TMLHE: variants seen among roughly 807,000 people sequenced by gnomAD.
TMLHE encodes trimethyllysine hydroxylase, epsilon.
A neutral mutation model predicts 25.7 loss-of-function variants in TMLHE; 18 were observed. The ratio of observed to expected loss-of-function variants is 0.70; its 90% CI spans 0.48 to 1.04. The LOEUF (loss-of-function observed/expected upper bound fraction) is 1.04. Ranked by LOEUF, TMLHE falls within the 50% of genes least tolerant of loss-of-function variation. TMLHE has a pLI of 0.00. For missense variants in TMLHE, 236 were observed against 259.0 expected, an observed-to-expected ratio of 0.91 and a Z score of 0.61; for synonymous variants, 105 against 97.0, an observed-to-expected ratio of 1.08 and a Z score of -0.49.
chrX:155,538,242 G>A (rs1413017851), intron 2 of TMLHE, among the ~76,000 whole-genome samples: 1 of 111,326 alleles, frequency 9.0e-6, no homozygotes, highest in Non-Finnish European at 1.9e-5. Flanking sequence ...TCCTATGCCT[G>A]GCTTATTTCC....
chrX:155,547,277 T>C (rs782326022), intron 1 of TMLHE, among the ~76,000 whole-genome samples: 19 of 89,421 alleles, frequency 2.1e-4, no homozygotes, highest in South Asian at 6.3e-4. Flanking sequence ...CCCGAGTAGC[T>C]GGGACTACAG....
In TMLHE at chrX:155,545,286, T is replaced by C. The variant is rs782763625; in HGVS notation, c.-1-9A>G. ...ATCTGTGGTACCACATCCTAGAAGA[T>C]TGGATAATAACAAGTTAGTAGTAAT... On this transcript the variant is annotated splice_polypyrimidine_tract_variant and intron_variant, in intron 1 of 7. Coordinates refer to ENST00000334398, the MANE Select transcript of TMLHE (RefSeq NM_018196.4). 13 of 1,171,636 alleles carry C rather than the reference T, an allele frequency of 1.1e-5. No homozygotes were observed. Among genetic ancestry groups the C allele is most frequent in the South Asian group, 9.8e-5 (5 of 50,792 alleles).
Position 155,604,567 on chromosome X carries a change from GA to G in TMLHE, c.-2+8224del, listed in dbSNP as rs1557347663. Among the ~76,000 whole-genome samples, 3 of 111,638 alleles carry G rather than the reference GA, an allele frequency of 2.7e-5. No individual in the cohort carries two copies. In the East Asian group the frequency reaches 8.5e-4, roughly 31 times the overall value. ...CCCTGCTGCTCCCAAGCTGGGGAGG[GA>G]ACACAAAGCCTGAGCTCATCTGAAG... On this transcript the variant is annotated intron_variant, in intron 1 of 7. Coordinates refer to ENST00000334398, the MANE Select transcript of TMLHE (RefSeq NM_018196.4).
chrX:155,564,821 T>C (rs1320142385), intron 1 of TMLHE, among the ~76,000 whole-genome samples: 4 of 61,856 alleles, frequency 6.5e-5, no homozygotes, highest in African/African-American at 1.4e-4. Context: ...ACATATACTT[T>C]ACCATCAATG....
chrX:155,529,733 T>C (rs1410482794), intron 2 of TMLHE, among the ~76,000 whole-genome samples: 3 of 112,497 alleles, frequency 2.7e-5, no homozygotes, highest in Non-Finnish European at 3.8e-5. Context: ...GAATTCTTTA[T>C]AAATTTTGGA....
intron 2 of TMLHE, among the ~76,000 whole-genome samples, chrX:155,544,097 C>CA (rs1186706613): frequency 9.0e-6 from 1 of 111,714 alleles, no homozygotes; most frequent in African/African-American, 3.3e-5. Context: ...GGGCATTCTA[C>CA]AATCTTCAGA....
At chrX:155,556,560 T>C (rs1456706710) in intron 1 of TMLHE, among the ~76,000 whole-genome samples, 3 of 109,264 alleles carry the variant, frequency 2.7e-5, no homozygotes, top group African/African-American at 1.0e-4. Context: ...TACGTGTGGG[T>C]GACAGACATC....
intron 1 of TMLHE, among the ~76,000 whole-genome samples, chrX:155,556,644 A>G (rs1250977772): frequency 9.1e-6 from 1 of 109,982 alleles, no homozygotes; most frequent in Admixed American, 9.7e-5. Context: ...ACAGGACGGA[A>G]GCGAAATTAA....
At chrX:155,548,508 G>A (rs1256057008) in intron 1 of TMLHE, among the ~76,000 whole-genome samples, 2 of 108,089 alleles carry the variant, frequency 1.9e-5, no homozygotes, top group Non-Finnish European at 3.8e-5. Flanking sequence ...GGTCAAGGCG[G>A]GCGGATCACA....
chrX:155,589,331 C>T (rs1557345659), intron 1 of TMLHE, among the ~76,000 whole-genome samples: 1 of 110,790 alleles, frequency 9.0e-6, no homozygotes, highest in Non-Finnish European at 1.9e-5. Flanking sequence ...ACCTATAATT[C>T]CAGCTACTCT....
intron 5 of TMLHE, among the ~76,000 whole-genome samples, chrX:155,511,358 C>A (rs2067111012): frequency 9.0e-6 from 1 of 110,525 alleles, no homozygotes; most frequent in African/African-American, 3.3e-5. Context: ...CTCCCTGAGG[C>A]CTCCCCAGAA....
Position 155,569,563 on chromosome X carries a change from A to C in TMLHE, c.-1-24286T>G, listed in dbSNP as rs1246905914. 3.5e-5 allele frequency among the ~76,000 whole-genome samples: 2 copies of C among 56,374 alleles called. 1 individual carries two copies. Among genetic ancestry groups the C allele is most frequent in the Non-Finnish European group, 9.2e-5 (2 of 21,791 alleles). The allele number at this position is 56,374 out of a possible 115,157, so 49.0% of individuals were successfully genotyped here. On this transcript the variant is annotated intron_variant, in intron 1 of 7. Coordinates refer to ENST00000334398, the MANE Select transcript of TMLHE (RefSeq NM_018196.4). The stretch of plus-strand genomic sequence containing the variant: ...TTCACCAAAGTTGAAATGAAGGAAA[A>C]AATGTTAAGGGCAGCCAGAGAGAAA...
intron 1 of TMLHE, among the ~76,000 whole-genome samples, chrX:155,579,868 C>A (rs1164068469): frequency 9.1e-6 from 1 of 109,793 alleles, no homozygotes; most frequent in Non-Finnish European, 1.9e-5. Flanking sequence ...AGAAACTATA[C>A]AAATACTGGC....
rs782142206 is a variant in TMLHE, at chrX:155,505,718, T to G, written c.995+1180A>C. On this transcript the variant is annotated intron_variant, in intron 6 of 7. Coordinates refer to ENST00000334398, the MANE Select transcript of TMLHE (RefSeq NM_018196.4). ...CAATTTGATATATTATATATTTGCT[T>G]ATTTATTTTTAATTACTCTGTCGTC... 5.4e-5 allele frequency among the ~76,000 whole-genome samples: 6 copies of G among 111,643 alleles called. No individual in the cohort carries two copies. The East Asian group carries it at 1.7e-3, about 31-fold the overall frequency.
intron 3 of TMLHE, among the ~76,000 whole-genome samples, chrX:155,516,874 T>C (rs1204675858): frequency 2.3e-4 from 16 of 71,065 alleles, no homozygotes; most frequent in African/African-American, 7.2e-4. Flanking sequence ...TGTTTGTTTT[T>C]TTCTTGTAAA....
intron 1 of TMLHE, among the ~76,000 whole-genome samples, chrX:155,575,503 A>T (rs782617471): frequency 2.0e-4 from 23 of 112,199 alleles, no homozygotes; most frequent in Middle Eastern, 4.6e-3. Context: ...ACATCCAAGG[A>T]TCTCAACGCC....
At chrX:155,513,598 T>G (rs1557334130) in intron 4 of TMLHE, among the ~76,000 whole-genome samples, 1 of 108,384 alleles carries the variant, frequency 9.2e-6, no homozygotes, top group Non-Finnish European at 1.9e-5. Flanking sequence ...ACAGTGGGGG[T>G]CGAGGGGGTG....
At chrX:155,506,004 C>A (rs2067074031) in intron 6 of TMLHE, among the ~76,000 whole-genome samples, 1 of 111,134 alleles carries the variant, frequency 9.0e-6, no homozygotes, top group Non-Finnish European at 1.9e-5. Flanking sequence ...TTTGGAATAG[C>A]TAGGGAAGAA....
At chrX:155,561,247 T>C (rs1236764781) in intron 1 of TMLHE, among the ~76,000 whole-genome samples, 1 of 61,426 alleles carries the variant, frequency 1.6e-5, no homozygotes, top group Non-Finnish European at 4.6e-5. Flanking sequence ...TCAGGAATCT[T>C]ACAATCACAG....
Sources: gnomAD v4.1 joint callset for allele counts (sites outside exome capture counted in the v4.1 genomes callset) on GRCh38, gnomAD v4.1.1 for gene constraint, MANE v1.5 for transcripts, NCBI Gene and HGNC (gene_info 2026-07-23, HGNC 2026-07-21) for gene names.